SATB1: variants seen among roughly 807,000 people sequenced by gnomAD.
SATB1 encodes the protein DNA-binding protein SATB1.
SATB1 carries 11 observed loss-of-function variants against 86.9 expected under a neutral mutation model. The observed-to-expected ratio is 0.13, with a 90% CI of 0.08 to 0.21. The LOEUF is 0.21. Ranked by LOEUF, SATB1 falls within the 10% of genes least tolerant of loss-of-function variation. The probability of loss-of-function intolerance (pLI) is 1.00; values close to 1 mark genes in which losing one functional copy is unlikely to be tolerated. For synonymous variants in SATB1, 357 were observed against 357.2 expected (o/e 1.00, Z 0.01); for missense variants, 551 against 937.6 (o/e 0.59, Z 5.39).
At position 18,402,886 on chromosome 3, in the gene SATB1, C is replaced by T. The variant is rs188709618; in HGVS notation, c.640-5596G>A. Among the ~76,000 whole-genome samples the T allele has an allele frequency of 2.0e-5, 3 of 152,190 alleles. No individual in the cohort carries two copies. The East Asian group carries it at 5.8e-4, about 30-fold the overall frequency. Reference sequence around the variant, plus strand: ...TACAACATCTTATTTACACAATTATCTAAATACGATTAAACAGCTGATGGA... The same window carrying T: ...TACAACATCTTATTTACACAATTATTTAAATACGATTAAACAGCTGATGGA... On this transcript the variant is annotated intron_variant, in intron 5 of 10. Transcript: ENST00000338745.
In SATB1 at chr3:18,357,541, A is replaced by ATT. The variant is rs10539857; in HGVS notation, c.1576-5348_1576-5347dup. Among the ~76,000 whole-genome samples the ATT allele has an allele frequency of 4.7e-3, 639 of 135,554 alleles. 6 individuals are homozygous for ATT. The highest frequency in any genetic ancestry group is 0.015 in the African/African-American group (545 of 36,788). The allele number at this position is 135,554 out of a possible 152,430, so 88.9% of individuals were successfully genotyped here. ...CCCACAAACATGCTAATAGAGGGCAATTTTTTTTTTTTTTTTTTTTTTAAA... is the reference window on the plus strand; with the variant it reads ...CCCACAAACATGCTAATAGAGGGCAATTTTTTTTTTTTTTTTTTTTTTTTAAA... On this transcript the variant is annotated intron_variant, in intron 9 of 10. Transcript: ENST00000338745.
chr3:18,373,691 C>T (rs1183912085), intron 9 of SATB1, among the ~76,000 whole-genome samples: 2 of 152,058 alleles, frequency 1.3e-5, no homozygotes, highest in Non-Finnish European at 2.9e-5. Context: ...CTCTTTCATC[C>T]TTGTTTTCCC....
intron 8 of SATB1, 81 bp from the exon 9 acceptor site, chr3:18,378,406 G>A: frequency 7.4e-7 from 1 of 1,347,266 alleles, no homozygotes; most frequent in South Asian, 1.2e-5. Flanking sequence ...ATCCAAACTG[G>A]ACACTGTTGT....
chr3:18,382,413 C>T (rs1227180605), intron 8 of SATB1, among the ~76,000 whole-genome samples: 1 of 152,158 alleles, frequency 6.6e-6, no homozygotes, highest in Non-Finnish European at 1.5e-5. Context: ...AAAAGTCACA[C>T]ACCATAAAAT....
At chr3:18,429,213 T>C (rs1364899793), upstream of SATB1, among the ~76,000 whole-genome samples, 3 of 152,222 alleles carry the variant, frequency 2.0e-5, no homozygotes, top group Non-Finnish European at 1.5e-5. This position sits in a 1 kb window ranked among gnomAD's most constrained non-coding sequence, Gnocchi z 4.1. Flanking sequence ...TATGTTTTGC[T>C]GTCATGTGTC....
In SATB1 at chr3:18,378,210, G is replaced by C; in HGVS notation, c.1535C>G (p.Ser512Cys). Residue 512 changes from serine to cysteine, a missense_variant, in exon 9 of 11, where the codon TCT (serine) becomes TGT (cysteine). By Grantham distance (112) the Ser-to-Cys change is moderately radical. This residue lies in a region of SATB1 where 110 missense variants were observed against 212.2 expected (regional missense o/e 0.52). Coordinates refer to ENST00000338745, the MANE Select transcript of SATB1 (RefSeq NM_002971.6). ...IQQEMKRAKV[S>C]QALFAKVAAT... Reference sequence around the variant, plus strand: ...TGCAACCTTTGCAAACAGTGCTTGAGACACTTTAGCACGCTTCATTTCCTG... The same window carrying C: ...TGCAACCTTTGCAAACAGTGCTTGACACACTTTAGCACGCTTCATTTCCTG... 6.2e-7 allele frequency: 1 copy of C among 1,605,118 alleles called. No homozygotes were observed. The highest frequency in any genetic ancestry group is 8.5e-7 in the Non-Finnish European group (1 of 1,176,654).
chr3:18,421,965 C>T (rs960903443), intron 1 of SATB1, among the ~76,000 whole-genome samples: 1 of 151,720 alleles, frequency 6.6e-6, no homozygotes, highest in African/African-American at 2.4e-5. Flanking sequence ...AAAAAATTAA[C>T]AGATAATTAT....
At chr3:18,364,026 G>A (rs1695057986) in intron 9 of SATB1, among the ~76,000 whole-genome samples, 1 of 152,190 alleles carries the variant, frequency 6.6e-6, no homozygotes, top group Non-Finnish European at 1.5e-5. Context: ...ATGCTTTGGA[G>A]TGAAGGATGC....
chr3:18,372,382 T>C (rs1159749533), intron 9 of SATB1, among the ~76,000 whole-genome samples: 1 of 152,198 alleles, frequency 6.6e-6, no homozygotes, highest in African/African-American at 2.4e-5. Context: ...GAAAATATAT[T>C]TGACTTTCAG....
In SATB1 at chr3:18,394,011, G is replaced by A. The variant is rs1420321797; in HGVS notation, c.1206+451C>T. Among the ~76,000 whole-genome samples the A allele has an allele frequency of 1.3e-5, 2 of 152,074 alleles. No homozygotes were observed. Among genetic ancestry groups the A allele is most frequent in the Admixed American group, 1.3e-4 (2 of 15,264 alleles). On this transcript the variant is annotated intron_variant, in intron 7 of 10. Transcript: ENST00000338745. This position sits in a 1 kb window ranked among gnomAD's most constrained non-coding sequence, Gnocchi z 5.9. ...AACAAACAACAACAACAACAACAAC[G>A]CTGCAGTAGAACTTTAAGAGGGAAC...
At chr3:18,412,571 G>A (rs1431744621) in intron 5 of SATB1, among the ~76,000 whole-genome samples, 4 of 151,950 alleles carry the variant, frequency 2.6e-5, no homozygotes, top group Admixed American at 2.0e-4. Flanking sequence ...TCCCATGAAT[G>A]AATCAACACT....
At chr3:18,377,678 A>G (rs1199929889) in intron 9 of SATB1, among the ~76,000 whole-genome samples, 2 of 152,124 alleles carry the variant, frequency 1.3e-5, no homozygotes, top group Admixed American at 6.6e-5. Flanking sequence ...GTTTGTCTTA[A>G]TAAGTGTATT....
At chr3:18,374,474 T>A (rs1368727858) in intron 9 of SATB1, among the ~76,000 whole-genome samples, 11 of 152,216 alleles carry the variant, frequency 7.2e-5, no homozygotes, top group Non-Finnish European at 4.4e-5. Context: ...CTTATTTGAA[T>A]ACCCAGAATA....
intron 5 of SATB1, among the ~76,000 whole-genome samples, chr3:18,399,264 T>C (rs895121193): frequency 6.6e-6 from 1 of 152,176 alleles, no homozygotes; most frequent in Non-Finnish European, 1.5e-5. Flanking sequence ...ACACCTACTA[T>C]ATGCCTGGCT....
chr3:18,351,682 AAC>A (rs1485570170), intron 10 of SATB1: 6 of 500,566 alleles, frequency 1.2e-5, no homozygotes, highest in Admixed American at 3.6e-5. Context: ...ATTTTTAAAA[AAC>A]ACACAAAAAT....
upstream of SATB1, among the ~76,000 whole-genome samples, chr3:18,425,810 A>T (rs1444334132): frequency 1.3e-5 from 1 of 74,308 alleles, no homozygotes; most frequent in Non-Finnish European, 2.6e-5. Context: ...CAGGTGTGTG[A>T]GTGGGAGGGA....
chr3:18,406,516 T>C (rs1418167268), intron 5 of SATB1, among the ~76,000 whole-genome samples: 1 of 152,018 alleles, frequency 6.6e-6, no homozygotes, highest in African/African-American at 2.4e-5. Context: ...GAAATACATG[T>C]ACAATTGTGG....
intron 5 of SATB1, among the ~76,000 whole-genome samples, chr3:18,414,266 A>G (rs1401516718): frequency 1.5e-4 from 23 of 152,090 alleles, no homozygotes; most frequent in Admixed American, 1.5e-3. Context: ...TTACATGGTG[A>G]CCACAAAAGC....
chr3:18,421,000 A>G lies in SATB1; in HGVS notation c.-24-9T>C, dbSNP rs1390558529. The G allele has an allele frequency of 1.2e-6, 2 of 1,604,276 alleles. No homozygotes were observed. The highest frequency in any genetic ancestry group is 3.3e-5 in the Admixed American group (2 of 59,972). Reference sequence around the variant, plus strand: ...CACTGTCTAAAGATCACCTGCCAGAATTTAAAAAGAAGACACGTTATAGTT... The same window carrying G: ...CACTGTCTAAAGATCACCTGCCAGAGTTTAAAAAGAAGACACGTTATAGTT... On this transcript the variant is annotated splice_polypyrimidine_tract_variant and intron_variant, in intron 1 of 10. Transcript: ENST00000338745.
Sources: gnomAD v4.1 joint callset for allele counts (sites outside exome capture counted in the v4.1 genomes callset) on GRCh38, gnomAD v4.1.1 for gene constraint, gnomAD v4.1.1 regional missense constraint, Gnocchi (gnomAD v3.1) non-coding constraint, MANE v1.5 for transcripts, NCBI Gene and HGNC (gene_info 2026-07-23, HGNC 2026-07-21) for gene names.